Variants in CSMD3 observed in about 807,000 individuals in gnomAD.
The protein encoded by CSMD3 is CUB and Sushi multiple domains 3.
Under a neutral mutation model 435.2 loss-of-function variants are expected in CSMD3, and 177 were observed. That is an observed-to-expected ratio of 0.41 (90% CI 0.36 to 0.46). The LOEUF is 0.46. CSMD3 is among the 20% of genes least tolerant of loss of function. The pLI, the probability that CSMD3 is intolerant of heterozygous loss-of-function variation, is 0.34. For missense variants in CSMD3, 4,265 were observed against 4,504.6 expected, an observed-to-expected ratio of 0.95 and a Z score of 1.52; for synonymous variants, 1,656 against 1,520.5, an observed-to-expected ratio of 1.09 and a Z score of -2.07.
chr8:113,053,922 T>C (rs2088205360), intron 5 of CSMD3, among the ~76,000 whole-genome samples: 1 of 152,160 alleles, frequency 6.6e-6, no homozygotes, highest in South Asian at 2.1e-4. Flanking sequence ...GCATGACATG[T>C]TATTTTCTCC....
intron 45 of CSMD3, among the ~76,000 whole-genome samples, chr8:112,325,847 A>G (rs1823458129): frequency 6.6e-6 from 1 of 152,120 alleles, no homozygotes; most frequent in Admixed American, 6.6e-5. Flanking sequence ...CCTCATTTAT[A>G]AAATAATAAT....
chr8:113,112,113 C>T (rs760960112), intron 4 of CSMD3, among the ~76,000 whole-genome samples: 1 of 151,850 alleles, frequency 6.6e-6, no homozygotes, highest in Non-Finnish European at 1.5e-5. Flanking sequence ...TGAAATGATA[C>T]AGTATATAAT....
chr8:113,422,741 A>G (rs1343642229), intron 1 of CSMD3, among the ~76,000 whole-genome samples: 1 of 152,122 alleles, frequency 6.6e-6, no homozygotes, highest in African/African-American at 2.4e-5. Context: ...ACAGAGTGTA[A>G]GAGAGAGACG....
intron 63 of CSMD3, among the ~76,000 whole-genome samples, chr8:112,247,371 A>T (rs1420850): frequency 0.66 from 100,946 of 152,024 alleles, 35,322 homozygotes; most frequent in African/African-American, 0.89. Flanking sequence ...CATACATAGA[A>T]ACCAAGCTTT....
intron 2 of CSMD3, among the ~76,000 whole-genome samples, chr8:113,301,630 C>A (rs981630133): frequency 6.6e-6 from 1 of 151,688 alleles, no homozygotes; most frequent in African/African-American, 2.4e-5. Context: ...ATATGTGACA[C>A]TTGTGATTTT....
At chr8:113,380,680 C>T (rs1416289270) in intron 1 of CSMD3, among the ~76,000 whole-genome samples, 1 of 152,128 alleles carries the variant, frequency 6.6e-6, no homozygotes, top group East Asian at 1.9e-4. Flanking sequence ...TGACTTTAAA[C>T]TATGCCTATA....
chr8:113,331,960 G>T (rs1033905785), intron 1 of CSMD3, among the ~76,000 whole-genome samples: 1 of 151,560 alleles, frequency 6.6e-6, no homozygotes, highest in East Asian at 1.9e-4. Flanking sequence ...TAAATAAAAT[G>T]CAACCATACA....
At chr8:112,398,264 G>T (rs1484036447) in intron 35 of CSMD3, among the ~76,000 whole-genome samples, 2 of 152,162 alleles carry the variant, frequency 1.3e-5, no homozygotes, top group East Asian at 3.9e-4. Flanking sequence ...TGCAGGGAAG[G>T]TCCCACATTC....
chr8:112,639,036 C>A, intron 20 of CSMD3, 125 bp from the exon 21 acceptor site: 2 of 670,584 alleles, frequency 3.0e-6, no homozygotes, highest in African/African-American at 1.8e-5. Flanking sequence ...AGAGGCATTG[C>A]TATAAAATAT....
intron 30 of CSMD3, among the ~76,000 whole-genome samples, chr8:112,494,565 T>TAA (rs1563615811): frequency 2.1e-5 from 3 of 146,136 alleles, no homozygotes; most frequent in Non-Finnish European, 4.5e-5. Context: ...CTTTCTTTCT[T>TAA]TCTTTCTTTT....
intron 38 of CSMD3, among the ~76,000 whole-genome samples, chr8:112,364,255 G>T (rs1345006827): frequency 1.3e-5 from 2 of 151,928 alleles, no homozygotes; most frequent in Non-Finnish European, 1.5e-5. Context: ...GGGATAGAAA[G>T]ATGCTTTCAG....
At chr8:112,697,141 A>G (rs1341490579) in intron 13 of CSMD3, among the ~76,000 whole-genome samples, 17 of 152,086 alleles carry the variant, frequency 1.1e-4, no homozygotes. Flanking sequence ...ACTGTAAACT[A>G]GTTCAACCAT....
At chr8:113,100,916 G>T (rs1435725354) in intron 4 of CSMD3, among the ~76,000 whole-genome samples, 1 of 152,062 alleles carries the variant, frequency 6.6e-6, no homozygotes, top group Non-Finnish European at 1.5e-5. Flanking sequence ...GCAGAGGTGG[G>T]GCAGAGGTGA....
intron 3 of CSMD3, among the ~76,000 whole-genome samples, chr8:113,276,804 C>T (rs1472371642): frequency 1.3e-5 from 2 of 151,948 alleles, no homozygotes; most frequent in East Asian, 1.9e-4. Flanking sequence ...ATAACCCATC[C>T]TTCAGTACTA....
At chr8:113,058,013 G>C (rs570047690) in intron 5 of CSMD3, among the ~76,000 whole-genome samples, 1 of 151,906 alleles carries the variant, frequency 6.6e-6, no homozygotes, top group South Asian at 2.1e-4. Flanking sequence ...TTTTTACTTA[G>C]TAAGTGGAAT....
intron 3 of CSMD3, among the ~76,000 whole-genome samples, chr8:113,257,851 T>C (rs1341269424): frequency 6.6e-6 from 1 of 152,206 alleles, no homozygotes. Context: ...CATGAGTCTT[T>C]ATAAACATAC....
At chr8:113,249,905 A>G (rs894607150) in intron 3 of CSMD3, among the ~76,000 whole-genome samples, 3 of 152,118 alleles carry the variant, frequency 2.0e-5, no homozygotes, top group African/African-American at 7.2e-5. Context: ...ACTGGGGAAC[A>G]GTTCTATAAA....
chr8:112,412,818 G>A (rs11991999), intron 32 of CSMD3, among the ~76,000 whole-genome samples: 3,093 of 152,188 alleles, frequency 0.02, 103 homozygotes, highest in African/African-American at 0.07. Context: ...AAAGTGACCA[G>A]TACAGATAGG....
chr8:112,952,470 T>C, intron 8 of CSMD3, among the ~76,000 whole-genome samples: 1 of 151,672 alleles, frequency 6.6e-6, no homozygotes, highest in Admixed American at 6.6e-5. Flanking sequence ...GAATAAATAA[T>C]ATTAAAGAGA....
Sources: gnomAD v4.1 joint callset for allele counts (sites outside exome capture counted in the v4.1 genomes callset) on GRCh38, gnomAD v4.1.1 for gene constraint, MANE v1.5 for transcripts, NCBI Gene and HGNC (gene_info 2026-07-23, HGNC 2026-07-21) for gene names.